NEXMIF: variants seen among roughly 807,000 people sequenced by gnomAD.
NEXMIF encodes the protein XLMR protein related to neurite extension.
In NEXMIF, 8 loss-of-function variants were observed where a neutral mutation model predicts 62.1. The observed-to-expected ratio is 0.13, with a 90% confidence interval of 0.08 to 0.23. The LOEUF (loss-of-function observed/expected upper bound fraction) is 0.23, where lower values mean the gene tolerates loss of function less well. NEXMIF is among the 10% of genes least tolerant of loss of function. The pLI is 1.00. For synonymous variants in NEXMIF, 404 were observed against 416.6 expected, an observed-to-expected ratio of 0.97 and a Z score of 0.37; for missense variants, 976 against 1,113.3, an observed-to-expected ratio of 0.88 and a Z score of 1.75.
chrX:74,877,303 A>C (rs1180395850), intron 1 of NEXMIF, among the ~76,000 whole-genome samples: 3 of 111,463 alleles, frequency 2.7e-5, no homozygotes, highest in Non-Finnish European at 3.8e-5. Flanking sequence ...TTTCTTTAAG[A>C]ATGTTGAATA....
intron 1 of NEXMIF, among the ~76,000 whole-genome samples, chrX:74,795,264 C>G (rs773685484): frequency 8.9e-6 from 1 of 112,139 alleles, no homozygotes; most frequent in Admixed American, 9.5e-5. Context: ...CCTAATTTCT[C>G]AAAGCTAAAA....
In NEXMIF at chrX:74,925,411, G is replaced by A; in HGVS notation, c.-576C>T. The stretch of plus-strand genomic sequence containing the variant: ...TGCTACTGCTGTGGCGGCGGTGGTG[G>A]CGGCGGCGGCTGCTGCTGCTGCTGC... On this transcript the variant is annotated 5_prime_UTR_variant, in exon 1 of 4. Transcript: ENST00000055682. The A allele has an allele frequency of 1.0e-5, 2 of 193,062 alleles. No individual in the cohort carries two copies. Among genetic ancestry groups the A allele is most frequent in the Admixed American group, 1.1e-4 (2 of 18,979 alleles). 15.9% of individuals were successfully genotyped at this position (193,062 alleles called of 1,213,427 possible).
intron 1 of NEXMIF, among the ~76,000 whole-genome samples, chrX:74,812,362 C>T (rs757413752): frequency 8.9e-6 from 1 of 111,828 alleles, no homozygotes; most frequent in South Asian, 3.7e-4. Context: ...ATGGCCTCTT[C>T]ATTAAAAAAA....
At chrX:74,908,074 C>T (rs1399534554) in intron 1 of NEXMIF, among the ~76,000 whole-genome samples, 1 of 111,536 alleles carries the variant, frequency 9.0e-6, no homozygotes, top group African/African-American at 3.3e-5. Context: ...AAGTAGATGA[C>T]ATGGAACAGA....
At chrX:74,889,118 C>A (rs753494036) in intron 1 of NEXMIF, among the ~76,000 whole-genome samples, 27 of 111,625 alleles carry the variant, frequency 2.4e-4, no homozygotes, top group Admixed American at 9.6e-4. Flanking sequence ...CTTATTATTT[C>A]CGTTAATGCC....
At chrX:74,892,103 C>A (rs1232549189) in intron 1 of NEXMIF, among the ~76,000 whole-genome samples, 1 of 112,312 alleles carries the variant, frequency 8.9e-6, no homozygotes, top group African/African-American at 3.2e-5. Flanking sequence ...TGGCCACAGG[C>A]AATAAAGCCT....
intron 1 of NEXMIF, among the ~76,000 whole-genome samples, chrX:74,921,195 C>G (rs1433122891): frequency 9.0e-6 from 1 of 111,227 alleles, no homozygotes; most frequent in Non-Finnish European, 1.9e-5. Flanking sequence ...AGCACGTTCC[C>G]TAGCAGAGGC....
At chrX:74,779,308 C>T (rs1339292339) in intron 1 of NEXMIF, among the ~76,000 whole-genome samples, 1 of 111,576 alleles carries the variant, frequency 9.0e-6, no homozygotes, top group African/African-American at 3.3e-5. Flanking sequence ...TTCAATCATC[C>T]TCTTCCATGA....
chrX:74,738,834 GTATA>G lies in NEXMIF; in HGVS notation c.*567_*570del, dbSNP rs1242048951. On this transcript the variant is annotated 3_prime_UTR_variant, in exon 4 of 4. Transcript: ENST00000055682. ...AAACTTTAAAAGAACGTGTGTGTGT[GTATA>G]TATATATATACATATATATACACAC... 1.9e-5 allele frequency: 2 copies of G among 105,185 alleles called. No homozygotes were observed. The highest frequency in any genetic ancestry group is 8.4e-4 in the South Asian group (2 of 2,387). 8.7% of individuals were successfully genotyped at this position (105,185 alleles called of 1,213,427 possible).
chrX:74,791,925 C>G (rs1296046882), intron 1 of NEXMIF, among the ~76,000 whole-genome samples: 1 of 111,344 alleles, frequency 9.0e-6, no homozygotes, highest in Non-Finnish European at 1.9e-5. Flanking sequence ...AAAAAACCAG[C>G]TCCTGGATTC....
chrX:74,839,593 G>A (rs1437716260), intron 1 of NEXMIF, among the ~76,000 whole-genome samples: 2 of 111,357 alleles, frequency 1.8e-5, no homozygotes, highest in Non-Finnish European at 3.8e-5. Context: ...AGACCCCAGT[G>A]TCTGTTGTTT....
At chrX:74,919,447 G>A (rs1270418798) in intron 1 of NEXMIF, among the ~76,000 whole-genome samples, 2 of 111,127 alleles carry the variant, frequency 1.8e-5, no homozygotes, top group Admixed American at 9.6e-5. Flanking sequence ...TCTTTCAAAG[G>A]TGGCTTATAC....
chrX:74,892,710 G>A (rs2080721600), intron 1 of NEXMIF, among the ~76,000 whole-genome samples: 1 of 112,108 alleles, frequency 8.9e-6, no homozygotes, highest in Non-Finnish European at 1.9e-5. Flanking sequence ...AATAAATGTT[G>A]CATGGGCACC....
intron 1 of NEXMIF, among the ~76,000 whole-genome samples, chrX:74,807,818 GT>G: frequency 9.0e-6 from 1 of 111,684 alleles, no homozygotes; most frequent in East Asian, 2.8e-4. Context: ...TTGAATAGGA[GT>G]GGTAGGAGTG....
chrX:74,743,006 C>T lies in NEXMIF; in HGVS notation c.1551G>A (p.Glu517=). 1.7e-6 allele frequency: 2 copies of T among 1,211,377 alleles called. No homozygotes were observed. Among genetic ancestry groups the T allele is most frequent in the Non-Finnish European group, 2.2e-6 (2 of 895,376 alleles). Residue 517 remains glutamate, a synonymous_variant, in exon 3 of 4, where the codon GAG becomes GAA. Coordinates refer to ENST00000055682, the MANE Select transcript of NEXMIF (RefSeq NM_001008537.3). ...RKEWLPVGSK[E]EDDDEWCPKK... is the part of the protein sequence containing the mutation. ...TGGGACACCATTCATCATCATCTTC[C>T]TCTTTGGAACCAACTGGCAGCCATT... is the stretch of plus-strand genomic sequence containing the variant.
intron 1 of NEXMIF, among the ~76,000 whole-genome samples, chrX:74,775,086 T>G (rs1464787050): frequency 9.0e-6 from 1 of 111,706 alleles, no homozygotes; most frequent in Non-Finnish European, 1.9e-5. Flanking sequence ...CACGTTGTTT[T>G]TTCCCCCACA....
chrX:74,890,220 A>G (rs1439524582), intron 1 of NEXMIF, among the ~76,000 whole-genome samples: 1 of 109,941 alleles, frequency 9.1e-6, no homozygotes, highest in African/African-American at 3.3e-5. Flanking sequence ...CAGGAGAGAT[A>G]TGCATTCAAT....
At chrX:74,919,196 T>A (rs1206761514) in intron 1 of NEXMIF, among the ~76,000 whole-genome samples, 1 of 111,857 alleles carries the variant, frequency 8.9e-6, no homozygotes, top group African/African-American at 3.2e-5. Flanking sequence ...AGACATCACC[T>A]CTTTATGTGC....
intron 1 of NEXMIF, among the ~76,000 whole-genome samples, chrX:74,790,476 T>C (rs1225245337): frequency 1.2e-4 from 13 of 110,792 alleles, no homozygotes; most frequent in African/African-American, 4.2e-4. Flanking sequence ...TTTGGTTCCA[T>C]ATGAACTTTA....
Sources: gnomAD v4.1 joint callset for allele counts (sites outside exome capture counted in the v4.1 genomes callset) on GRCh38, gnomAD v4.1.1 for gene constraint, MANE v1.5 for transcripts, NCBI Gene and HGNC (gene_info 2026-07-23, HGNC 2026-07-21) for gene names.